Variants in DOCK8 observed in about 807,000 individuals in gnomAD.
DOCK8 encodes dedicator of cytokinesis 8.
In DOCK8, 141 loss-of-function variants were observed where a neutral mutation model predicts 245.6. That is an observed-to-expected ratio of 0.57 (90% CI 0.50 to 0.66). The LOEUF (loss-of-function observed/expected upper bound fraction) is 0.66, where lower values mean the gene tolerates loss of function less well. DOCK8 is among the 30% of genes least tolerant of loss of function. The pLI, the probability that DOCK8 is intolerant of heterozygous loss-of-function variation, is 0.00. For synonymous variants in DOCK8, 1,168 were observed against 970.2 expected (o/e 1.20, Z -3.79); for missense variants, 2,965 against 2,603.4 (o/e 1.14, Z -3.02).
At chr9:437,062 G>C (rs2056929257) in intron 39 of DOCK8, among the ~76,000 whole-genome samples, 1 of 152,200 alleles carries the variant, frequency 6.6e-6, no homozygotes, top group African/African-American at 2.4e-5. Context: ...TAATGTGTAT[G>C]AGTGAATTCT....
chr9:339,022 G>A lies in DOCK8; in HGVS notation c.1439G>A (p.Ser480Asn), dbSNP rs767718796. 1.2e-6 allele frequency: 2 copies of A among 1,614,092 alleles called. No homozygotes were observed. The highest frequency in any genetic ancestry group is 1.7e-5 in the Admixed American group (1 of 60,030). The change falls in exon 13 of 48, where the codon AGC becomes AAC. Residue 480 changes from serine to asparagine, a missense_variant. By Grantham distance (46) the Ser-to-Asn change is conservative. Coordinates refer to ENST00000432829, the MANE Select transcript of DOCK8 (RefSeq NM_203447.4). ...TCTTGGCAGGAAGGAGATCGCCTTA[G>A]CGATGAAGACTTATTCAAGTTTTTA... ...SFFKQEGDRL[S>N]DEDLFKFLAD...
At chr9:224,202 T>A (rs1457158970) in intron 1 of DOCK8, among the ~76,000 whole-genome samples, 1 of 152,162 alleles carries the variant, frequency 6.6e-6, no homozygotes, top group Non-Finnish European at 1.5e-5. Flanking sequence ...TGTTTTTCAA[T>A]TACTCCTTAA....
At chr9:307,338 G>GTTT (rs1165775428) in intron 5 of DOCK8, among the ~76,000 whole-genome samples, 3 of 51,244 alleles carry the variant, frequency 5.9e-5, no homozygotes, top group African/African-American at 1.7e-4. Context: ...GGTTTTTTTT[G>GTTT]TTTTTTTTTT....
At chr9:447,199 T>G (rs2057292081) in intron 44 of DOCK8, among the ~76,000 whole-genome samples, 1 of 152,252 alleles carries the variant, frequency 6.6e-6, no homozygotes. Flanking sequence ...TATACTCATT[T>G]TATTAATAAA....
intron 1 of DOCK8, among the ~76,000 whole-genome samples, chr9:233,887 G>T (rs183016552): frequency 5.3e-5 from 8 of 152,188 alleles, no homozygotes; most frequent in Non-Finnish European, 1.2e-4. Context: ...GGAGCATTTA[G>T]CCCATTTACA....
Position 464,394 on chromosome 9 carries a change from G to C in DOCK8, c.*175G>C, listed in dbSNP as rs567438048. 1.8e-4 allele frequency: 123 copies of C among 693,128 alleles called. No individual in the cohort carries two copies. The South Asian group carries it at 1.9e-3, about 11-fold the overall frequency. 42.9% of individuals were successfully genotyped at this position (693,128 alleles called of 1,614,324 possible). A position where few individuals can be genotyped will look rare whatever the true frequency, so the allele number is the denominator to read the frequency against. On this transcript the variant is annotated 3_prime_UTR_variant, in exon 48 of 48. Coordinates refer to ENST00000432829, the MANE Select transcript of DOCK8 (RefSeq NM_203447.4). Reference sequence around the variant, plus strand: ...ATGGAATTATTCCCAAATGGACTCTGACCAGATTTTTGCCATACTGGGGGG... The same window carrying C: ...ATGGAATTATTCCCAAATGGACTCTCACCAGATTTTTGCCATACTGGGGGG...
At chr9:272,696 T>C (rs73374540) in intron 2 of DOCK8, among the ~76,000 whole-genome samples, 4,998 of 152,282 alleles carry the variant, frequency 0.033, 256 homozygotes, top group African/African-American at 0.11. Flanking sequence ...AAACCTTCAT[T>C]TTTAAAACAC....
At chr9:248,136 C>CTTT (rs2047551684) in intron 1 of DOCK8, among the ~76,000 whole-genome samples, 2 of 151,712 alleles carry the variant, frequency 1.3e-5, no homozygotes, top group African/African-American at 4.8e-5. Context: ...GGTGGCTTTC[C>CTTT]GTGAACAGCA....
intron 5 of DOCK8, among the ~76,000 whole-genome samples, chr9:307,036 C>T (rs2049867154): frequency 6.6e-6 from 1 of 152,120 alleles, no homozygotes; most frequent in Non-Finnish European, 1.5e-5. Context: ...CCAAAAGAAC[C>T]TGAAGGCTAG....
At chr9:440,786 T>A (rs2057071065) in intron 40 of DOCK8, among the ~76,000 whole-genome samples, 1 of 152,232 alleles carries the variant, frequency 6.6e-6, no homozygotes, top group Non-Finnish European at 1.5e-5. Context: ...TCACCCAGGC[T>A]GGAGTGCAGT....
chr9:403,948 A>ATATATATATGTATATATATATGTG (rs1564021552), intron 26 of DOCK8, among the ~76,000 whole-genome samples: 1 of 70,390 alleles, frequency 1.4e-5, no homozygotes, highest in African/African-American at 9.5e-5. Context: ...ATATATGTGT[A>ATATATATATGTATATATATATGTG]TATATATATA....
At chr9:335,160 A>G (rs1460036544) in intron 11 of DOCK8, among the ~76,000 whole-genome samples, 1 of 152,242 alleles carries the variant, frequency 6.6e-6, no homozygotes, top group East Asian at 1.9e-4. Context: ...GCCAAGTGCA[A>G]TGAAAAAATG....
intron 26 of DOCK8, among the ~76,000 whole-genome samples, chr9:403,241 G>A (rs1393122684): frequency 6.6e-6 from 1 of 152,224 alleles, no homozygotes. Flanking sequence ...GATACCCATA[G>A]TGGGGCCTTC....
chr9:448,302 C>T lies in DOCK8; in HGVS notation c.5818-1482C>T, dbSNP rs1014064917. Among the ~76,000 whole-genome samples, 9 of 152,176 alleles carry T rather than the reference C, an allele frequency of 5.9e-5. 1 individual carries two copies. Among genetic ancestry groups the T allele is most frequent in the African/African-American group, 2.2e-4 (9 of 41,446 alleles). On this transcript the variant is annotated intron_variant, in intron 44 of 47. Transcript: ENST00000432829. Reference sequence around the variant, plus strand: ...TATATATTTTGTAAGAGACAGGGGTCTTACTTTGTTGCCCAGTCTGGTCTC... The same window carrying T: ...TATATATTTTGTAAGAGACAGGGGTTTTACTTTGTTGCCCAGTCTGGTCTC...
rs1273803170 is a variant in DOCK8 at position 334,333 on chromosome 9, T to C, written c.1234T>C (p.Phe412Leu). ...GGCACCCATAAGCTTATCAAGCTTC[T>C]TCAATGTCTCCACCCTTGAGAGGGA... is the stretch of plus-strand genomic sequence containing the variant. ...AWAPISLSSF[F>L]NVSTLEREVT... Residue 412 changes from phenylalanine (F) to leucine (L), a missense_variant, in exon 11 of 48, where the codon TTC becomes CTC. Physicochemically the swap from Phe to Leu is conservative, Grantham distance 22. Coordinates refer to ENST00000432829, the MANE Select transcript of DOCK8 (RefSeq NM_203447.4). The C allele has an allele frequency of 2.5e-6, 4 of 1,614,188 alleles. No homozygotes were observed. Among genetic ancestry groups the C allele is most frequent in the Non-Finnish European group, 1.7e-6 (2 of 1,180,006 alleles).
intron 4 of DOCK8, among the ~76,000 whole-genome samples, chr9:295,957 A>T (rs2049243418): frequency 6.6e-6 from 1 of 152,246 alleles, no homozygotes. Context: ...TAACAGAGAA[A>T]GATTAAGTTA....
At chr9:220,908 A>G (rs1350625962) in intron 1 of DOCK8, 3 of 274,238 alleles carry the variant, frequency 1.1e-5, no homozygotes, top group African/African-American at 2.3e-5. Context: ...TTTAGTAGAG[A>G]TGGGGTTTCA....
At chr9:400,004 C>T (rs62531864) in intron 26 of DOCK8, among the ~76,000 whole-genome samples, 25,081 of 98,384 alleles carry the variant, frequency 0.25, 4,172 homozygotes, top group East Asian at 0.46. Flanking sequence ...ACCTCCACCA[C>T]CTCCACCATC....
At chr9:266,392 T>TGAAC (rs2048035457) in intron 1 of DOCK8, among the ~76,000 whole-genome samples, 1 of 152,084 alleles carries the variant, frequency 6.6e-6, no homozygotes, top group African/African-American at 2.4e-5. Context: ...AATGAATGAA[T>TGAAC]GAACCAACCA....
Sources: gnomAD v4.1 joint callset for allele counts (sites outside exome capture counted in the v4.1 genomes callset) on GRCh38, gnomAD v4.1.1 for gene constraint, MANE v1.5 for transcripts, NCBI Gene and HGNC (gene_info 2026-07-23, HGNC 2026-07-21) for gene names.